Variants in TAB3 observed in about 807,000 individuals in gnomAD.
TAB3 encodes the protein TGF-beta-activated kinase 1 and MAP3K7-binding protein 3.
A neutral mutation model predicts 48.1 loss-of-function variants in TAB3; 18 were observed. That is an observed-to-expected ratio of 0.37 (90% CI 0.26 to 0.55). The LOEUF (loss-of-function observed/expected upper bound fraction) is 0.55, where lower values mean the gene tolerates loss of function less well. Ranked by LOEUF, TAB3 falls within the 20% of genes least tolerant of loss-of-function variation. The pLI is 0.78. For missense variants in TAB3, 414 were observed against 549.8 expected (o/e 0.75, Z 2.47); for synonymous variants, 185 against 190.2 (o/e 0.97, Z 0.22).
intron 8 of TAB3, chrX:30,845,967 G>A (rs781280172): frequency 1.0e-6 from 1 of 996,494 alleles, no homozygotes; most frequent in Middle Eastern, 3.0e-4. Flanking sequence ...GTATGCAGCA[G>A]CTGTGGACAT....
At chrX:30,871,664 T>C (rs1601837538) in intron 2 of TAB3, 35 bp downstream of exon 2, 1 of 111,920 alleles carries the variant, frequency 8.9e-6, no homozygotes, top group East Asian at 2.8e-4. Flanking sequence ...AACAGTAATA[T>C]AGATTCATTT....
intron 7 of TAB3, among the ~76,000 whole-genome samples, chrX:30,847,827 A>G (rs1467285547): frequency 9.0e-6 from 1 of 111,600 alleles, no homozygotes; most frequent in Non-Finnish European, 1.9e-5. Context: ...CAGGTATCAA[A>G]GTTTAAAATA....
chrX:30,886,946 C>T (rs983501166), intron 1 of TAB3, among the ~76,000 whole-genome samples: 5 of 112,104 alleles, frequency 4.5e-5, no homozygotes, highest in African/African-American at 1.3e-4. Flanking sequence ...GTCTTTCATT[C>T]CCTTGCCCCA....
chrX:30,883,620 C>T (rs899358265), intron 1 of TAB3, among the ~76,000 whole-genome samples: 2 of 111,978 alleles, frequency 1.8e-5, no homozygotes, highest in African/African-American at 6.5e-5. Context: ...GAGTTCTCTT[C>T]CCAAGGCTTG....
intron 1 of TAB3, among the ~76,000 whole-genome samples, chrX:30,876,855 G>A (rs1415895685): frequency 9.0e-6 from 1 of 111,540 alleles, no homozygotes; most frequent in African/African-American, 3.3e-5. Context: ...AAGATAGGTC[G>A]GGGGAAAATA....
Position 30,834,046 on chromosome X carries a change from C to G in TAB3, c.1990+5G>C, listed in dbSNP as rs746048579. ...TGCACAAACTCTGGACACACAAGTA[C>G]AAACCATCTGCAGCTGCTGCCTGGG... On this transcript the variant is annotated splice_donor_5th_base_variant and intron_variant, in intron 10 of 10. Coordinates refer to ENST00000288422, the MANE Select transcript of TAB3 (RefSeq NM_152787.5). The G allele has an allele frequency of 8.3e-7, 1 of 1,207,422 alleles. No homozygotes were observed. Among genetic ancestry groups the G allele is most frequent in the Non-Finnish European group, 1.1e-6 (1 of 891,836 alleles).
At chrX:30,853,964 C>G (rs1039869539) in intron 6 of TAB3, 152 bp downstream of exon 6, 1 of 680,639 alleles carries the variant, frequency 1.5e-6, no homozygotes, top group Non-Finnish European at 2.1e-6. Context: ...CGTGAGCCAC[C>G]GCACCCGGCC....
At chrX:30,873,266 G>T (rs1043443658) in intron 1 of TAB3, among the ~76,000 whole-genome samples, 1 of 111,014 alleles carries the variant, frequency 9.0e-6, no homozygotes, top group Non-Finnish European at 1.9e-5. Flanking sequence ...GGCCGGGCGC[G>T]GTGGCTCACG....
chrX:30,855,180 G>A lies in TAB3; in HGVS notation c.485C>T (p.Ser162Phe). 8.3e-7 allele frequency: 1 copy of A among 1,211,967 alleles called. No homozygotes were observed. The highest frequency in any genetic ancestry group is 1.1e-6 in the Non-Finnish European group (1 of 895,574). Residue 162 changes from serine to phenylalanine, a missense_variant, in exon 6 of 11, where the codon TCC becomes TTC. Physicochemically the swap from Ser to Phe is radical, Grantham distance 155. Transcript: ENST00000288422. ...PPSQPPQQPS[S>F]MQTGMNPSAM... ...AGACGGATTCATTCCTGTTTGCATG[G>A]AAGATGGCTGTTGAGGTGGTTGTGA...
intron 9 of TAB3, among the ~76,000 whole-genome samples, chrX:30,838,672 CAT>C (rs2147331109): frequency 8.9e-6 from 1 of 112,196 alleles, no homozygotes; most frequent in Non-Finnish European, 1.9e-5. Flanking sequence ...TATATCACTC[CAT>C]TTACTTAGGT....
At chrX:30,875,424 T>A (rs756721671) in intron 1 of TAB3, among the ~76,000 whole-genome samples, 9 of 111,580 alleles carry the variant, frequency 8.1e-5, no homozygotes, top group Non-Finnish European at 1.7e-4. Flanking sequence ...TTGATTAGGT[T>A]GTTTGAGGGT....
At chrX:30,873,329 A>C (rs942156137) in intron 1 of TAB3, among the ~76,000 whole-genome samples, 4 of 108,656 alleles carry the variant, frequency 3.7e-5, no homozygotes, top group Non-Finnish European at 7.7e-5. Flanking sequence ...CGAGGTCAGG[A>C]GATCGAGACC....
chrX:30,850,661 G>A (rs1433383221), intron 7 of TAB3, among the ~76,000 whole-genome samples: 5 of 106,161 alleles, frequency 4.7e-5, no homozygotes, highest in Non-Finnish European at 9.7e-5. Context: ...GCCGTGAGCC[G>A]AGATCACGCC....
At chrX:30,884,713 A>C (rs935855492) in intron 1 of TAB3, among the ~76,000 whole-genome samples, 2 of 111,958 alleles carry the variant, frequency 1.8e-5, no homozygotes, top group African/African-American at 6.5e-5. Flanking sequence ...TGTTTTTATT[A>C]CCTTCATATC....
chrX:30,861,545 G>A (rs1939252258), intron 4 of TAB3, among the ~76,000 whole-genome samples: 1 of 111,695 alleles, frequency 9.0e-6, no homozygotes, highest in Admixed American at 9.5e-5. Flanking sequence ...AACAATCCAG[G>A]ATTTAATTTA....
chrX:30,862,951 A>C (rs924034193), intron 4 of TAB3, among the ~76,000 whole-genome samples: 3 of 112,538 alleles, frequency 2.7e-5, no homozygotes, highest in African/African-American at 9.7e-5. Flanking sequence ...TTGTACAAAT[A>C]AGTTAGCTGT....
intron 4 of TAB3, among the ~76,000 whole-genome samples, chrX:30,861,472 A>AT (rs1237496564): frequency 9.0e-6 from 1 of 110,952 alleles, no homozygotes; most frequent in Non-Finnish European, 1.9e-5. Flanking sequence ...CAATGGGTAT[A>AT]TTTTTCCAGT....
In TAB3 at chrX:30,885,082, C is replaced by T. The variant is rs183759600; in HGVS notation, c.-383+4032G>A. Among the ~76,000 whole-genome samples, 10 of 112,467 alleles carry T rather than the reference C, an allele frequency of 8.9e-5. No homozygotes were observed. The East Asian group carries it at 2.8e-3, about 31-fold the overall frequency. ...TTCATTGACAATCTAAAAAGCCTAT[C>T]AGTTTATCTCCCACAAGAGCCATCT... On this transcript the variant is annotated intron_variant, in intron 1 of 10. Transcript: ENST00000288422.
Position 30,831,546 on chromosome X carries a change from G to T in TAB3, c.2020C>A (p.Arg674=). 8.3e-7 allele frequency: 1 copy of T among 1,211,310 alleles called. No homozygotes were observed. Among genetic ancestry groups the T allele is most frequent in the Non-Finnish European group, 1.1e-6 (1 of 895,374 alleles). ...TAGTCTTCATCTCGAGGTTGTGTCC[G>T]AGGACTTTGTGTGGAGCCAGTTCGA... is the stretch of plus-strand genomic sequence containing the variant. ...EHRTGSTQSP[R]TQPRDEDYEG... The change falls in exon 11 of 11, where the codon CGG becomes AGG. Residue 674 remains arginine (R), a synonymous_variant. Transcript: ENST00000288422.
Sources: allele counts gnomAD v4.1 joint callset (sites outside exome capture counted in the v4.1 genomes callset), GRCh38; gene constraint gnomAD v4.1.1; transcripts MANE v1.5; gene names NCBI Gene and HGNC (gene_info 2026-07-23, HGNC 2026-07-21).